Variants in SLC9A5 observed in about 807,000 individuals in gnomAD.
SLC9A5 encodes solute carrier family 9 member A5.
A neutral mutation model predicts 91.7 loss-of-function variants in SLC9A5; 52 were observed. The ratio of observed to expected loss-of-function variants is 0.57; its 90% CI spans 0.45 to 0.71. The LOEUF is 0.71. SLC9A5 is among the 30% of genes least tolerant of loss of function. The pLI, the probability that SLC9A5 is intolerant of heterozygous loss-of-function variation, is 0.00. For synonymous variants in SLC9A5, 419 were observed against 474.5 expected (o/e 0.88, Z 1.52); for missense variants, 871 against 1,158.9 (o/e 0.75, Z 3.61).
At chr16:67,251,192 A>T (rs1333482323) in intron 1 of SLC9A5, among the ~76,000 whole-genome samples, 1 of 152,168 alleles carries the variant, frequency 6.6e-6, no homozygotes, top group Non-Finnish European at 1.5e-5. Flanking sequence ...AGACCTGGAG[A>T]TCTTCTGATT....
At position 67,249,215 on chromosome 16, in the gene SLC9A5, T is replaced by G. The variant is rs970455852; in HGVS notation, c.187+14T>G. Reference sequence around the variant, plus strand: ...TGGCCAAAATCGGTGAGTGCGTGTGTGCGTGCGCCAGGCCGACCGCCAGCG... The same window carrying G: ...TGGCCAAAATCGGTGAGTGCGTGTGGGCGTGCGCCAGGCCGACCGCCAGCG... On this transcript the variant is annotated intron_variant, in intron 1 of 15. Coordinates refer to ENST00000299798, the MANE Select transcript of SLC9A5 (RefSeq NM_004594.3). The G allele has an allele frequency of 2.1e-6, 3 of 1,434,770 alleles. No individual in the cohort carries two copies. Among genetic ancestry groups the G allele is most frequent in the Non-Finnish European group, 2.7e-6 (3 of 1,095,000 alleles). 88.9% of individuals were successfully genotyped at this position (1,434,770 alleles called of 1,614,324 possible). A position where few individuals can be genotyped will look rare whatever the true frequency, so the allele number is the denominator to read the frequency against.
chr16:67,270,510 T>C lies in SLC9A5; in HGVS notation c.2219-228T>C, dbSNP rs1260654220. On this transcript the variant is annotated intron_variant, in intron 15 of 15. Coordinates refer to ENST00000299798, the MANE Select transcript of SLC9A5 (RefSeq NM_004594.3). The surrounding 1 kb of genome is among the most constrained non-coding windows in gnomAD (Gnocchi z 4.3). ...CTTATTTTCGTTTCTTTGATGAAAA[T>C]AATGTTCAATTTCTTGAGCAACTAC... is the stretch of plus-strand genomic sequence containing the variant. Among the ~76,000 whole-genome samples, 1 of 152,120 alleles carries C rather than the reference T, an allele frequency of 6.6e-6. No individual in the cohort carries two copies. Among genetic ancestry groups the C allele is most frequent in the Non-Finnish European group, 1.5e-5 (1 of 68,036 alleles).
At chr16:67,253,878 C>A (rs1263979784) in intron 2 of SLC9A5, among the ~76,000 whole-genome samples, 1 of 152,172 alleles carries the variant, frequency 6.6e-6, no homozygotes, top group Non-Finnish European at 1.5e-5. Flanking sequence ...TTGCTACCTT[C>A]TTTATTTCCT....
At chr16:67,253,173 C>G (rs2035193486) in intron 2 of SLC9A5, among the ~76,000 whole-genome samples, 2 of 152,182 alleles carry the variant, frequency 1.3e-5, no homozygotes, top group African/African-American at 4.8e-5. Flanking sequence ...TGAGGCATAG[C>G]TGTGCATCAT....
chr16:67,263,251 A>T (rs1366211822), intron 12 of SLC9A5: 2 of 152,202 alleles, frequency 1.3e-5, no homozygotes, highest in Non-Finnish European at 2.9e-5. Context: ...CTCCTGGTGC[A>T]TAGGTAGATG....
intron 15 of SLC9A5, 24 bp downstream of exon 15, chr16:67,266,249 C>A (rs756603564): frequency 1.3e-6 from 2 of 1,572,764 alleles, no homozygotes; most frequent in Non-Finnish European, 1.7e-6. Flanking sequence ...CCCTGCCCAC[C>A]TCCCCTCTGG....
In SLC9A5 at chr16:67,270,686, T is replaced by G; in HGVS notation, c.2219-52T>G. On this transcript the variant is annotated intron_variant, in intron 15 of 15. Coordinates refer to ENST00000299798, the MANE Select transcript of SLC9A5 (RefSeq NM_004594.3). This position sits in a 1 kb window ranked among gnomAD's most constrained non-coding sequence, Gnocchi z 4.3. ...TGAATTTATAAGAATGTGCTTATAC[T>G]TGAGATTTCCACTGTATTGGTAATG... The G allele has an allele frequency of 1.6e-6, 2 of 1,256,910 alleles. No individual in the cohort carries two copies. Among genetic ancestry groups the G allele is most frequent in the Non-Finnish European group, 2.2e-6 (2 of 912,308 alleles). The allele number at this position is 1,256,910 out of a possible 1,614,324, so 77.9% of individuals were successfully genotyped here.
rs760752390 is a variant in SLC9A5, at chr16:67,255,916, C to G, written c.897C>G (p.Leu299=). Residue 299 remains leucine, a synonymous_variant, in exon 5 of 16, where the codon CTC becomes CTG. Coordinates refer to ENST00000299798, the MANE Select transcript of SLC9A5 (RefSeq NM_004594.3). The surrounding 1 kb of genome is among the most constrained non-coding windows in gnomAD (Gnocchi z 4.9). The part of the protein sequence containing the change: ...AAYLTAEMAS[L]SAILAVTMCG... ...ACCTCACTGCTGAAATGGCCTCGCT[C>G]TCCGCCATTCTTGCGTGAGTTCTGG... 6.2e-7 allele frequency: 1 copy of G among 1,613,456 alleles called. No individual in the cohort carries two copies. Among genetic ancestry groups the G allele is most frequent in the Non-Finnish European group, 8.5e-7 (1 of 1,179,844 alleles).
chr16:67,257,151 G>A lies in SLC9A5; in HGVS notation c.1335+38G>A. 1 of 1,576,856 alleles carries A rather than the reference G, an allele frequency of 6.3e-7. No homozygotes were observed. Among genetic ancestry groups the A allele is most frequent in the Non-Finnish European group, 8.6e-7 (1 of 1,158,888 alleles). On this transcript the variant is annotated intron_variant, in intron 7 of 15. Transcript: ENST00000299798. This position sits in a 1 kb window ranked among gnomAD's most constrained non-coding sequence, Gnocchi z 5.1. ...ACAAGGCTGGGTAGGGAGAGGGTTG[G>A]GCAGGCCCTGGGGGAGTCTTGGAGC...
intron 15 of SLC9A5, among the ~76,000 whole-genome samples, chr16:67,267,374 C>T (rs912496033): frequency 6.6e-6 from 1 of 152,108 alleles, no homozygotes; most frequent in Non-Finnish European, 1.5e-5. Flanking sequence ...GCATGAGCCA[C>T]CGTGCTCAGC....
At chr16:67,269,971 T>C (rs911270542) in intron 15 of SLC9A5, among the ~76,000 whole-genome samples, 3 of 152,156 alleles carry the variant, frequency 2.0e-5, no homozygotes, top group African/African-American at 7.2e-5. Flanking sequence ...CAAAGGGCTG[T>C]GGTGGGTACT....
chr16:67,271,424 T>G lies in SLC9A5; in HGVS notation c.*214T>G, dbSNP rs1186555043. ...TGCTCCTAACCCCTGCCACTTTCTG[T>G]TTCATTAAGGCCTCTACTCTGGCTC... On this transcript the variant is annotated 3_prime_UTR_variant, in exon 16 of 16. Coordinates refer to ENST00000299798, the MANE Select transcript of SLC9A5 (RefSeq NM_004594.3). The G allele has an allele frequency of 3.4e-6, 2 of 591,404 alleles. No individual in the cohort carries two copies. The highest frequency in any genetic ancestry group is 6.0e-6 in the Non-Finnish European group (2 of 331,246). 36.6% of individuals were successfully genotyped at this position (591,404 alleles called of 1,614,324 possible).
At chr16:67,267,110 G>A (rs1460857792) in intron 15 of SLC9A5, among the ~76,000 whole-genome samples, 5 of 116,926 alleles carry the variant, frequency 4.3e-5, no homozygotes, top group African/African-American at 1.7e-4. Flanking sequence ...TTTTTGCTAC[G>A]GGGTTTTGCT....
chr16:67,249,832 G>T (rs1355231953), intron 1 of SLC9A5, among the ~76,000 whole-genome samples: 1 of 152,192 alleles, frequency 6.6e-6, no homozygotes, highest in African/African-American at 2.4e-5. Context: ...GCCTTCCTGT[G>T]TGCTGTCTAC....
Position 67,267,278 on chromosome 16 carries a change from G to A in SLC9A5, c.2218+1053G>A, listed in dbSNP as rs151162405. ...ATTTTGTATTTTTAGTAGAGATGGG[G>A]TGTCTCCATGTTGGTCAGGCTGGTT... On this transcript the variant is annotated intron_variant, in intron 15 of 15. Transcript: ENST00000299798. Among the ~76,000 whole-genome samples the A allele has an allele frequency of 5.6e-3, 854 of 151,882 alleles. 6 individuals are homozygous for A. The highest frequency in any genetic ancestry group is 0.018 in the African/African-American group (765 of 41,412).
In SLC9A5 at chr16:67,249,195, A is replaced by G; in HGVS notation, c.181A>G (p.Lys61Glu). ...GTGGATCCTGGTGGCCAGTCTGGCCAAAATCGGTGAGTGCGTGTGTGCGTG... is the reference window on the plus strand; with the variant it reads ...GTGGATCCTGGTGGCCAGTCTGGCCGAAATCGGTGAGTGCGTGTGTGCGTG... ...ALWILVASLA[K>E]IVFHLSRKVT... Residue 61 changes from lysine (K) to glutamate (E), a missense_variant, in exon 1 of 16, where the codon AAA (lysine) becomes GAA (glutamate). Physicochemically the swap from Lys to Glu is moderately conservative, Grantham distance 56. This residue lies in a region of SLC9A5 where 122 missense variants were observed against 114.5 expected (regional missense o/e 1.07). Transcript: ENST00000299798. 1 of 1,523,212 alleles carries G rather than the reference A, an allele frequency of 6.6e-7. No homozygotes were observed. The highest frequency in any genetic ancestry group is 8.8e-7 in the Non-Finnish European group (1 of 1,141,008). The allele number at this position is 1,523,212 out of a possible 1,614,324, so 94.4% of individuals were successfully genotyped here. A position where few individuals can be genotyped will look rare whatever the true frequency, so the allele number is the denominator to read the frequency against.
Position 67,252,992 on chromosome 16 carries a change from G to C in SLC9A5, c.490+148G>C, listed in dbSNP as rs1365460446. 2.8e-6 allele frequency: 2 copies of C among 716,790 alleles called. No individual in the cohort carries two copies. The highest frequency in any genetic ancestry group is 4.5e-6 in the Non-Finnish European group (2 of 443,282). 44.4% of individuals were successfully genotyped at this position (716,790 alleles called of 1,614,324 possible). A position where few individuals can be genotyped will look rare whatever the true frequency, so the allele number is the denominator to read the frequency against. On this transcript the variant is annotated intron_variant, in intron 2 of 15. Transcript: ENST00000299798. The surrounding 1 kb of genome is among the most constrained non-coding windows in gnomAD (Gnocchi z 4.0). Reference sequence around the variant, plus strand: ...GGAGTGCAAGGCAGTGCTCCCGCTGGGGTTCAGGCCTCATTGAGGTCTCTG... The same window carrying C: ...GGAGTGCAAGGCAGTGCTCCCGCTGCGGTTCAGGCCTCATTGAGGTCTCTG...
Position 67,268,706 on chromosome 16 carries a change from A to T in SLC9A5, c.2219-2032A>T, listed in dbSNP as rs1441596787. Among the ~76,000 whole-genome samples the T allele has an allele frequency of 2.9e-4, 26 of 90,270 alleles. 1 individual carries two copies. The highest frequency in any genetic ancestry group is 9.5e-4 in the African/African-American group (22 of 23,230). The allele number at this position is 90,270 out of a possible 152,430, so 59.2% of individuals were successfully genotyped here. A position where few individuals can be genotyped will look rare whatever the true frequency, so the allele number is the denominator to read the frequency against. ...TATATATATATATATATATATATAT[A>T]TATATTTTTACAGTAGGCTTGTCCA... On this transcript the variant is annotated intron_variant, in intron 15 of 15. Transcript: ENST00000299798.
intron 12 of SLC9A5, 31 bp from the exon 13 acceptor site, chr16:67,264,321 C>T: frequency 1.2e-6 from 2 of 1,607,618 alleles, no homozygotes; most frequent in African/African-American, 1.3e-5. Context: ...AGGCATCCAT[C>T]CTCATAGCCA....
Sources: allele counts gnomAD v4.1 joint callset (sites outside exome capture counted in the v4.1 genomes callset), GRCh38; gene constraint gnomAD v4.1.1; regional missense constraint gnomAD v4.1.1; non-coding constraint Gnocchi (gnomAD v3.1); transcripts MANE v1.5; gene names NCBI Gene and HGNC (gene_info 2026-07-23, HGNC 2026-07-21).